ZNF362: variants seen among roughly 807,000 people sequenced by gnomAD.
ZNF362 encodes zinc finger protein 362.
A neutral mutation model predicts 42.9 loss-of-function variants in ZNF362; 11 were observed. That is an observed-to-expected ratio of 0.26 (90% CI 0.16 to 0.42). The LOEUF is 0.42. ZNF362 is among the 20% of genes least tolerant of loss of function. The probability of loss-of-function intolerance (pLI) is 1.00; values close to 1 mark genes in which losing one functional copy is unlikely to be tolerated. For synonymous variants in ZNF362, 255 were observed against 257.3 expected (o/e 0.99, Z 0.09); for missense variants, 362 against 576.2 (o/e 0.63, Z 3.81).
chr1:33,208,363 G>A, the ZNF362 span, among the ~76,000 whole-genome samples: 6 of 152,182 alleles, frequency 3.9e-5, no homozygotes, highest in African/African-American at 1.4e-4. Context: ...CAGGTAGCGT[G>A]ATGCCTCCAG....
At chr1:33,199,174 C>T in the ZNF362 span, among the ~76,000 whole-genome samples, 4 of 152,046 alleles carry the variant, frequency 2.6e-5, no homozygotes, top group Non-Finnish European at 5.9e-5. Flanking sequence ...AACCATGAAA[C>T]TCAACAAACC....
chr1:33,193,326 A>AATTGAC, the ZNF362 span, among the ~76,000 whole-genome samples: 1 of 152,256 alleles, frequency 6.6e-6, no homozygotes, highest in East Asian at 1.9e-4. Flanking sequence ...CTAGCTAAGA[A>AATTGAC]ATTGACATAA....
chr1:33,251,165 G>C, the ZNF362 span, among the ~76,000 whole-genome samples: 1 of 152,216 alleles, frequency 6.6e-6, no homozygotes, highest in Non-Finnish European at 1.5e-5. Context: ...AAATGACACT[G>C]AGGGCTAGAT....
intron 6 of ZNF362, among the ~76,000 whole-genome samples, chr1:33,285,312 G>A (rs919947451): frequency 1.3e-5 from 2 of 152,120 alleles, no homozygotes; most frequent in East Asian, 3.9e-4. Context: ...TACTCGGGAG[G>A]CTGAGACAGG....
the ZNF362 span, among the ~76,000 whole-genome samples, chr1:33,232,553 G>T: frequency 4.6e-5 from 7 of 152,260 alleles, no homozygotes; most frequent in Non-Finnish European, 8.8e-5. Context: ...GAGCCACCGC[G>T]CCCGGCCAGA....
At chr1:33,191,213 A>G in the ZNF362 span, among the ~76,000 whole-genome samples, 2 of 152,316 alleles carry the variant, frequency 1.3e-5, no homozygotes, top group Admixed American at 1.3e-4. Context: ...AATACACTAC[A>G]TTAGATCTCT....
chr1:33,233,749 C>T, the ZNF362 span, among the ~76,000 whole-genome samples: 1 of 152,038 alleles, frequency 6.6e-6, no homozygotes, highest in African/African-American at 2.4e-5. Context: ...GTCTGTCTTC[C>T]CCTGAGACTT....
upstream of ZNF362, among the ~76,000 whole-genome samples, chr1:33,256,185 G>A (rs2148052130): frequency 6.8e-6 from 1 of 146,136 alleles, no homozygotes; most frequent in South Asian, 2.1e-4. Context: ...CGGCGGCGGC[G>A]GCGGCGGCGA....
At chr1:33,290,859 C>G (rs140688898) in intron 6 of ZNF362, among the ~76,000 whole-genome samples, 1 of 152,292 alleles carries the variant, frequency 6.6e-6, no homozygotes, top group East Asian at 1.9e-4. Flanking sequence ...GCATAGATGT[C>G]TTCTTTTGAG....
intron 1 of ZNF362, among the ~76,000 whole-genome samples, chr1:33,264,590 G>A (rs1199722137): frequency 1.3e-5 from 2 of 152,166 alleles, no homozygotes; most frequent in Non-Finnish European, 2.9e-5. Flanking sequence ...GGGGCTATCT[G>A]CCTCCAGAAT....
At chr1:33,165,586 G>T in the ZNF362 span, 1 of 1,591,262 alleles carries the variant, frequency 6.3e-7, no homozygotes. The surrounding 1 kb of genome is among the most constrained non-coding windows in gnomAD (Gnocchi z 4.0). Flanking sequence ...ACACAGGGCC[G>T]GGATGGGGGC....
At chr1:33,225,372 T>C in the ZNF362 span, among the ~76,000 whole-genome samples, 1 of 152,204 alleles carries the variant, frequency 6.6e-6, no homozygotes, top group East Asian at 1.9e-4. Flanking sequence ...CTTATACTTT[T>C]TGTGTTGTTG....
chr1:33,141,556 G>T, the ZNF362 span, among the ~76,000 whole-genome samples: 3 of 152,154 alleles, frequency 2.0e-5, no homozygotes, highest in Admixed American at 6.5e-5. Context: ...CTGAAGCTTT[G>T]TGCCTCTGAT....
chr1:33,205,008 A>G, the ZNF362 span, among the ~76,000 whole-genome samples: 6 of 152,186 alleles, frequency 3.9e-5, no homozygotes, highest in African/African-American at 1.2e-4. Flanking sequence ...GAGAGAAATT[A>G]AAGACTCAAA....
chr1:33,258,460 G>A (rs1645808474), intron 1 of ZNF362, among the ~76,000 whole-genome samples: 1 of 152,212 alleles, frequency 6.6e-6, no homozygotes, highest in East Asian at 1.9e-4. Flanking sequence ...TGGGGTTAGG[G>A]GTTCAGGGCT....
At chr1:33,203,220 G>A in the ZNF362 span, among the ~76,000 whole-genome samples, 1 of 151,894 alleles carries the variant, frequency 6.6e-6, no homozygotes, top group South Asian at 2.1e-4. Flanking sequence ...GTGAGATCAT[G>A]CAATATTTTC....
chr1:33,280,170 A>AAGCGCG lies in ZNF362; in HGVS notation c.397_402dup (p.Ser133_Ala134dup). ...CCCCGTCTGTGAGCACTTCTGAGTC[A>AAGCGCG]AGCGCGGGCGCGGGCACGGGCACGG... On this transcript the variant is annotated inframe_insertion, in exon 5 of 9. Coordinates refer to ENST00000539719, the MANE Select transcript of ZNF362 (RefSeq NM_152493.3). The surrounding 1 kb of genome is among the most constrained non-coding windows in gnomAD (Gnocchi z 5.6). 6.2e-7 allele frequency: 1 copy of AAGCGCG among 1,610,074 alleles called. No individual in the cohort carries two copies. The highest frequency in any genetic ancestry group is 8.5e-7 in the Non-Finnish European group (1 of 1,177,658).
the ZNF362 span, among the ~76,000 whole-genome samples, chr1:33,191,703 C>T: frequency 6.6e-6 from 1 of 152,072 alleles, no homozygotes; most frequent in South Asian, 2.1e-4. Flanking sequence ...TGGGGTTTCA[C>T]CATATTGGCC....
the ZNF362 span, among the ~76,000 whole-genome samples, chr1:33,223,907 A>G: frequency 9.0e-4 from 136 of 151,944 alleles, no homozygotes; most frequent in African/African-American, 3.1e-3. Context: ...AAAAAAAAAA[A>G]AAAGAAAAAA....
Sources: gnomAD v4.1 joint callset for allele counts (sites outside exome capture counted in the v4.1 genomes callset) on GRCh38, gnomAD v4.1.1 for gene constraint, Gnocchi (gnomAD v3.1) non-coding constraint, MANE v1.5 for transcripts, NCBI Gene and HGNC (gene_info 2026-07-23, HGNC 2026-07-21) for gene names.